Variants in ABHD13 observed in about 807,000 individuals in gnomAD.
ABHD13 encodes abhydrolase domain containing 13, also known as protein ABHD13.
A neutral mutation model predicts 25.2 loss-of-function variants in ABHD13; 7 were observed. The ratio of observed to expected loss-of-function variants is 0.28; its 90% CI spans 0.16 to 0.52. ABHD13 has a LOEUF of 0.52. Ranked by LOEUF, ABHD13 falls within the 20% of genes least tolerant of loss-of-function variation. ABHD13 has a pLI of 0.96. For missense variants in ABHD13, 302 were observed against 402.7 expected, an observed-to-expected ratio of 0.75 and a Z score of 2.14; for synonymous variants, 133 against 136.1, an observed-to-expected ratio of 0.98 and a Z score of 0.16.
rs780237659 is a variant in ABHD13, at chr13:108,229,705, G to A, written c.487G>A (p.Glu163Lys). The A allele has an allele frequency of 1.2e-6, 2 of 1,613,256 alleles. No individual in the cohort carries two copies. Among genetic ancestry groups the A allele is most frequent in the South Asian group, 2.2e-5 (2 of 91,076 alleles). ...AAAAAGTGAAGGAGAAGCAAGTGAA[G>A]AAGGACTCTACTTAGATTCTGAAGC... Reference protein sequence around the residue: ...YGKSEGEASEEGLYLDSEAVL... With the variant: ...YGKSEGEASEKGLYLDSEAVL... The change falls in exon 2 of 2, where the codon GAA becomes AAA. Residue 163 changes from glutamate to lysine, a missense_variant. Transcript: ENST00000375898. This position sits in a 1 kb window ranked among gnomAD's most constrained non-coding sequence, Gnocchi z 4.7.
intron 1 of ABHD13, among the ~76,000 whole-genome samples, chr13:108,225,107 A>C (rs908792853): frequency 2.6e-5 from 4 of 152,136 alleles, no homozygotes; most frequent in African/African-American, 7.2e-5. Flanking sequence ...TGTAATACTT[A>C]AATCTTAGCT....
rs1594494794 is a variant in ABHD13, at chr13:108,232,737, T to C, written c.*2505T>C. Reference sequence around the variant, plus strand: ...TAGAGTGATCTTAAATATGGCAAGATACAGCTCATTTAGAATAAAATCTCA... The same window carrying C: ...TAGAGTGATCTTAAATATGGCAAGACACAGCTCATTTAGAATAAAATCTCA... On this transcript the variant is annotated 3_prime_UTR_variant, in exon 2 of 2. Coordinates refer to ENST00000375898, the MANE Select transcript of ABHD13 (RefSeq NM_032859.3). 6.0e-6 allele frequency: 1 copy of C among 166,834 alleles called. No individual in the cohort carries two copies. The highest frequency in any genetic ancestry group is 2.1e-4 in the South Asian group (1 of 4,824). The allele number at this position is 166,834 out of a possible 1,614,324, so 10.3% of individuals were successfully genotyped here. A position where few individuals can be genotyped will look rare whatever the true frequency, so the allele number is the denominator to read the frequency against.
Position 108,229,170 on chromosome 13 carries a change from T to TTATTGATA in ABHD13, c.-20-27_-20-20dup, listed in dbSNP as rs778049901. On this transcript the variant is annotated intron_variant, in intron 1 of 1. Coordinates refer to ENST00000375898, the MANE Select transcript of ABHD13 (RefSeq NM_032859.3). The surrounding 1 kb of genome is among the most constrained non-coding windows in gnomAD (Gnocchi z 4.7). ...TTTAAAAGAATAGATAGACGTTGAA[T>TTATTGATA]TATTGATATTCTCCCTCTCTCTCTC... 4.8e-6 allele frequency: 7 copies of TTATTGATA among 1,450,746 alleles called. No homozygotes were observed. The Admixed American group carries it at 7.2e-5, about 15-fold the overall frequency. The allele number at this position is 1,450,746 out of a possible 1,614,324, so 89.9% of individuals were successfully genotyped here.
chr13:108,225,730 G>A (rs1879659147), intron 1 of ABHD13, among the ~76,000 whole-genome samples: 1 of 152,106 alleles, frequency 6.6e-6, no homozygotes, highest in African/African-American at 2.4e-5. Flanking sequence ...AAATGGGACT[G>A]TCAGGTATTC....
At position 108,229,924 on chromosome 13, in the gene ABHD13, C is replaced by A. The variant is rs775164089; in HGVS notation, c.706C>A (p.Arg236Ser). Reference protein sequence around the residue: ...ASTLFSFFPMRYLPLWCYKNK... With the variant: ...ASTLFSFFPMSYLPLWCYKNK... ...CACTTTATTTTCATTCTTTCCGATG[C>A]GTTACCTTCCTTTATGGTGCTACAA... Residue 236 changes from arginine (R) to serine (S), a missense_variant, in exon 2 of 2, where the codon CGT (arginine) becomes AGT (serine). Transcript: ENST00000375898. The surrounding 1 kb of genome is among the most constrained non-coding windows in gnomAD (Gnocchi z 4.7). 1 of 1,613,178 alleles carries A rather than the reference C, an allele frequency of 6.2e-7. No individual in the cohort carries two copies. Among genetic ancestry groups the A allele is most frequent in the East Asian group, 2.2e-5 (1 of 44,870 alleles).
At chr13:108,224,602 G>A (rs1879635350) in intron 1 of ABHD13, among the ~76,000 whole-genome samples, 1 of 152,182 alleles carries the variant, frequency 6.6e-6, no homozygotes, top group Admixed American at 6.5e-5. Flanking sequence ...AGAGAAGCAT[G>A]GCCATCACTC....
rs971177831 is a variant in ABHD13, at chr13:108,230,303, T to A, written c.*71T>A. The A allele has an allele frequency of 3.8e-6, 5 of 1,319,216 alleles. No individual in the cohort carries two copies. Among genetic ancestry groups the A allele is most frequent in the Non-Finnish European group, 5.1e-6 (5 of 974,466 alleles). The allele number at this position is 1,319,216 out of a possible 1,614,324, so 81.7% of individuals were successfully genotyped here. A position where few individuals can be genotyped will look rare whatever the true frequency, so the allele number is the denominator to read the frequency against. The stretch of plus-strand genomic sequence containing the variant: ...TGATAAAGAATGTTCCTTTTAGAAG[T>A]GTGTTATGTCTGTACCTGTCTGAAG... On this transcript the variant is annotated 3_prime_UTR_variant, in exon 2 of 2. Transcript: ENST00000375898.
At position 108,233,115 on chromosome 13, in the gene ABHD13, G is replaced by T. The variant is rs999649867; in HGVS notation, c.*2883G>T. 1 of 166,720 alleles carries T rather than the reference G, an allele frequency of 6.0e-6. No homozygotes were observed. Among genetic ancestry groups the T allele is most frequent in the Admixed American group, 6.6e-5 (1 of 15,242 alleles). The allele number at this position is 166,720 out of a possible 1,614,324, so 10.3% of individuals were successfully genotyped here. A position where few individuals can be genotyped will look rare whatever the true frequency, so the allele number is the denominator to read the frequency against. On this transcript the variant is annotated 3_prime_UTR_variant, in exon 2 of 2. Transcript: ENST00000375898. ...TCATAAAAATGGTGTTCTGAATTTTGCTACAGGGCTGCTTAAATTTATGAT... is the reference window on the plus strand; with the variant it reads ...TCATAAAAATGGTGTTCTGAATTTTTCTACAGGGCTGCTTAAATTTATGAT...
Position 108,229,138 on chromosome 13 carries a change from G to T in ABHD13, c.-20-61G>T. On this transcript the variant is annotated intron_variant, in intron 1 of 1. Coordinates refer to ENST00000375898, the MANE Select transcript of ABHD13 (RefSeq NM_032859.3). The surrounding 1 kb of genome is among the most constrained non-coding windows in gnomAD (Gnocchi z 4.7). ...GCCTAGTACCATAGTTTATTATATT[G>T]TGGATTTTTAAAAGAATAGATAGAC... The T allele has an allele frequency of 3.1e-6, 4 of 1,295,284 alleles. No homozygotes were observed. The highest frequency in any genetic ancestry group is 4.2e-6 in the Non-Finnish European group (4 of 943,912). 80.2% of individuals were successfully genotyped at this position (1,295,284 alleles called of 1,614,324 possible). A position where few individuals can be genotyped will look rare whatever the true frequency, so the allele number is the denominator to read the frequency against.
intron 1 of ABHD13, among the ~76,000 whole-genome samples, chr13:108,226,031 A>T (rs1271987247): frequency 6.6e-6 from 1 of 152,202 alleles, no homozygotes; most frequent in African/African-American, 2.4e-5. Context: ...GTTTTACCAC[A>T]TGGGACATAC....
chr13:108,229,130 A>T lies in ABHD13; in HGVS notation c.-20-69A>T. 1 of 1,231,000 alleles carries T rather than the reference A, an allele frequency of 8.1e-7. No homozygotes were observed. Among genetic ancestry groups the T allele is most frequent in the Non-Finnish European group, 1.1e-6 (1 of 887,186 alleles). 76.3% of individuals were successfully genotyped at this position (1,231,000 alleles called of 1,614,324 possible). On this transcript the variant is annotated intron_variant, in intron 1 of 1. Coordinates refer to ENST00000375898, the MANE Select transcript of ABHD13 (RefSeq NM_032859.3). This position sits in a 1 kb window ranked among gnomAD's most constrained non-coding sequence, Gnocchi z 4.7. ...TACATGTGGCCTAGTACCATAGTTT[A>T]TTATATTGTGGATTTTTAAAAGAAT...
At chr13:108,224,319 G>A (rs1034270496) in intron 1 of ABHD13, among the ~76,000 whole-genome samples, 1 of 152,168 alleles carries the variant, frequency 6.6e-6, no homozygotes, top group Non-Finnish European at 1.5e-5. Flanking sequence ...AGTATACTAG[G>A]ATGCATTGGA....
rs1879785205 is a variant in ABHD13, at chr13:108,230,735, C to A, written c.*503C>A. The stretch of plus-strand genomic sequence containing the variant: ...TGCAACATTTTACATGTAAATAGCA[C>A]TGGTCATATACTGATGTATATGGTT... On this transcript the variant is annotated 3_prime_UTR_variant, in exon 2 of 2. Coordinates refer to ENST00000375898, the MANE Select transcript of ABHD13 (RefSeq NM_032859.3). 5.9e-6 allele frequency: 1 copy of A among 168,676 alleles called. No homozygotes were observed. The allele number at this position is 168,676 out of a possible 1,614,324, so 10.4% of individuals were successfully genotyped here. A position where few individuals can be genotyped will look rare whatever the true frequency, so the allele number is the denominator to read the frequency against.
intron 1 of ABHD13, among the ~76,000 whole-genome samples, chr13:108,223,991 C>T (rs1879620831): frequency 6.6e-6 from 1 of 152,140 alleles, no homozygotes; most frequent in Non-Finnish European, 1.5e-5. Context: ...GATTCTTAAT[C>T]CTGGAGTTAT....
chr13:108,230,400 A>G lies in ABHD13; in HGVS notation c.*168A>G, dbSNP rs9587535. On this transcript the variant is annotated 3_prime_UTR_variant, in exon 2 of 2. Coordinates refer to ENST00000375898, the MANE Select transcript of ABHD13 (RefSeq NM_032859.3). ...CCAAATAGTTTTTTACATTGGAAAA[A>G]CTAATTCTTGGGATTCTTTCATACA... The G allele has an allele frequency of 0.11, 62,891 of 592,356 alleles. 3,607 individuals carry two copies. The highest frequency in any genetic ancestry group is 0.13 in the Admixed American group (3,693 of 27,434). 36.7% of individuals were successfully genotyped at this position (592,356 alleles called of 1,614,324 possible). A position where few individuals can be genotyped will look rare whatever the true frequency, so the allele number is the denominator to read the frequency against.
chr13:108,225,027 G>A (rs1360716574), intron 1 of ABHD13, among the ~76,000 whole-genome samples: 1 of 151,958 alleles, frequency 6.6e-6, no homozygotes, highest in African/African-American at 2.4e-5. Context: ...CATTTAGAAA[G>A]CACAAAAGTT....
intron 1 of ABHD13, among the ~76,000 whole-genome samples, chr13:108,223,876 A>G (rs1879618208): frequency 6.6e-6 from 1 of 152,196 alleles, no homozygotes; most frequent in Non-Finnish European, 1.5e-5. Flanking sequence ...TATCCTTGCC[A>G]AGTATTTATT....
chr13:108,230,699 G>C lies in ABHD13; in HGVS notation c.*467G>C, dbSNP rs1392156365. The C allele has an allele frequency of 5.9e-6, 1 of 169,204 alleles. No individual in the cohort carries two copies. The highest frequency in any genetic ancestry group is 1.4e-5 in the Non-Finnish European group (1 of 69,726). The allele number at this position is 169,204 out of a possible 1,614,324, so 10.5% of individuals were successfully genotyped here. A position where few individuals can be genotyped will look rare whatever the true frequency, so the allele number is the denominator to read the frequency against. On this transcript the variant is annotated 3_prime_UTR_variant, in exon 2 of 2. Coordinates refer to ENST00000375898, the MANE Select transcript of ABHD13 (RefSeq NM_032859.3). ...AATGCATGATGGTATTTTATTCCTT[G>C]AATTATGCAATGCAACATTTTACAT...
At chr13:108,224,341 A>G (rs989986377) in intron 1 of ABHD13, among the ~76,000 whole-genome samples, 12 of 152,288 alleles carry the variant, frequency 7.9e-5, no homozygotes, top group African/African-American at 2.9e-4. Context: ...TCTGATGACC[A>G]TCTCTTACGG....
Sources: gnomAD v4.1 joint callset for allele counts (sites outside exome capture counted in the v4.1 genomes callset) on GRCh38, gnomAD v4.1.1 for gene constraint, Gnocchi (gnomAD v3.1) non-coding constraint, MANE v1.5 for transcripts, NCBI Gene and HGNC (gene_info 2026-07-23, HGNC 2026-07-21) for gene names.